COTL1: variants seen among roughly 807,000 people sequenced by gnomAD.
COTL1 encodes coactosin like F-actin binding protein 1, also known as coactosin-like protein.
In COTL1, 15 loss-of-function variants were observed where a neutral mutation model predicts 16.5. The ratio of observed to expected loss-of-function variants is 0.91; its 90% confidence interval spans 0.61 to 1.40. The LOEUF is 1.40. Among genes scored for constraint, COTL1 ranks in the 40% most tolerant of loss-of-function variants. The pLI is 0.00. For synonymous variants in COTL1, 112 were observed against 85.3 expected (o/e 1.31, Z -1.73); for missense variants, 220 against 201.5 (o/e 1.09, Z -0.56).
chr16:84,603,197 T>C (rs12149123), intron 2 of COTL1, among the ~76,000 whole-genome samples: 27,029 of 152,118 alleles, frequency 0.18, 2,586 homozygotes, highest in South Asian at 0.3. Flanking sequence ...CCGTGGACTT[T>C]AACAACACTC....
At chr16:84,569,573 C>CG (rs1033754097) in intron 3 of COTL1, among the ~76,000 whole-genome samples, 25 of 152,140 alleles carry the variant, frequency 1.6e-4, no homozygotes, top group Non-Finnish European at 3.2e-4. Context: ...CTCATGTTCT[C>CG]GTTCAGCCCT....
intron 3 of COTL1, among the ~76,000 whole-genome samples, chr16:84,584,052 A>G (rs1399435784): frequency 6.6e-6 from 1 of 152,240 alleles, no homozygotes. Context: ...GGCACATCGC[A>G]GGTCACTACC....
intron 1 of COTL1, 23 bp from the exon 2 acceptor site, chr16:84,617,606 AACAC>A (rs1555525151): frequency 1.3e-6 from 2 of 1,547,672 alleles, no homozygotes; most frequent in Admixed American, 2.0e-5. Flanking sequence ...AGAAGAAAAA[AACAC>A]ACACACACAT....
chr16:84,599,260 C>A (rs1016506452), intron 2 of COTL1, among the ~76,000 whole-genome samples: 3 of 152,232 alleles, frequency 2.0e-5, no homozygotes, highest in African/African-American at 7.2e-5. Flanking sequence ...ATCGCCAAAG[C>A]CAGTCCTGGC....
chr16:84,566,860 G>T lies in COTL1; in HGVS notation c.414C>A (p.Asp138Glu). The T allele has an allele frequency of 6.2e-7, 1 of 1,612,606 alleles. No homozygotes were observed. The highest frequency in any genetic ancestry group is 8.5e-7 in the Non-Finnish European group (1 of 1,178,830). The change falls in exon 4 of 4, where the codon GAC becomes GAA. Residue 138 changes from aspartate to glutamate, a missense_variant. Coordinates refer to ENST00000262428, the MANE Select transcript of COTL1 (RefSeq NM_021149.5). ...GGGGCTGGGGTTACTCCGTCTGGGC[G>T]TCGTAATTGGCTCCCCCCGCCTTCT... ...ELKKAGGANY[D>E]AQTE is the part of the protein sequence containing the mutation.
At chr16:84,585,353 C>CAAAAAAA (rs5818498) in intron 3 of COTL1, among the ~76,000 whole-genome samples, 1 of 127,008 alleles carries the variant, frequency 7.9e-6, no homozygotes. Context: ...AGATTGTCTC[C>CAAAAAAA]AAAAAAAAAA....
intron 3 of COTL1, among the ~76,000 whole-genome samples, chr16:84,582,679 A>G (rs1721098765): frequency 6.6e-6 from 1 of 152,222 alleles, no homozygotes; most frequent in Admixed American, 6.5e-5. Flanking sequence ...CCGGGTTTTG[A>G]AGGATGAATA....
At position 84,590,272 on chromosome 16, in the gene COTL1, A is replaced by C; in HGVS notation, c.161-10T>G. The C allele has an allele frequency of 6.2e-7, 1 of 1,613,212 alleles. No homozygotes were observed. Among genetic ancestry groups the C allele is most frequent in the Non-Finnish European group, 8.5e-7 (1 of 1,179,254 alleles). On this transcript the variant is annotated splice_polypyrimidine_tract_variant and intron_variant, in intron 2 of 3. Transcript: ENST00000262428. The surrounding 1 kb of genome is among the most constrained non-coding windows in gnomAD (Gnocchi z 5.5). Reference sequence around the variant, plus strand: ...AACAACCGGACGTCATCTGTGGCCAAAAGCGAAAAGAGAACATGGTGCTGC... The same window carrying C: ...AACAACCGGACGTCATCTGTGGCCACAAGCGAAAAGAGAACATGGTGCTGC...
chr16:84,608,895 AC>A (rs1239746801), intron 2 of COTL1, among the ~76,000 whole-genome samples: 2 of 152,120 alleles, frequency 1.3e-5, no homozygotes, highest in African/African-American at 4.8e-5. Context: ...ACAGGGCACG[AC>A]CTTGTCTCAA....
At chr16:84,605,938 C>A (rs1056487723) in intron 2 of COTL1, among the ~76,000 whole-genome samples, 52 of 152,198 alleles carry the variant, frequency 3.4e-4, no homozygotes, top group Non-Finnish European at 1.9e-4. Context: ...TTGTTGTTAT[C>A]AACTTATTTA....
chr16:84,617,641 C>T, intron 1 of COTL1, 58 bp from the exon 2 acceptor site: 2 of 1,515,176 alleles, frequency 1.3e-6, no homozygotes, highest in Non-Finnish European at 1.8e-6. Flanking sequence ...GGCCGCGCGA[C>T]GCGGCGCTTG....
intron 2 of COTL1, among the ~76,000 whole-genome samples, chr16:84,591,890 G>GTGCATGTGTATGTGTGCAT (rs1904878749): frequency 8.4e-6 from 1 of 119,346 alleles, no homozygotes; most frequent in South Asian, 2.5e-4. Context: ...AAATATGTGC[G>GTGCATGTGTATGTGTGCAT]TGCATGTGTA....
intron 3 of COTL1, among the ~76,000 whole-genome samples, chr16:84,583,028 C>T (rs182494772): frequency 1.3e-5 from 2 of 152,306 alleles, no homozygotes; most frequent in African/African-American, 2.4e-5. Context: ...ATGTGCAACA[C>T]GAGTCTACAA....
intron 2 of COTL1, among the ~76,000 whole-genome samples, chr16:84,607,664 C>T (rs79949911): frequency 0.012 from 1,774 of 152,190 alleles, 23 homozygotes; most frequent in Middle Eastern, 0.048. Flanking sequence ...AAAGGGCACC[C>T]CATGTCATGT....
intron 2 of COTL1, among the ~76,000 whole-genome samples, chr16:84,607,686 G>T (rs924178263): frequency 6.6e-6 from 1 of 152,120 alleles, no homozygotes; most frequent in African/African-American, 2.4e-5. Flanking sequence ...TGAGCGTTTG[G>T]ACCTTATGGA....
intron 3 of COTL1, among the ~76,000 whole-genome samples, chr16:84,586,288 T>C (rs1401201122): frequency 6.6e-6 from 1 of 152,244 alleles, no homozygotes; most frequent in African/African-American, 2.4e-5. Flanking sequence ...TTCCTCTTTG[T>C]GCTTCAACTT....
chr16:84,582,411 T>C (rs1223103028), intron 3 of COTL1, among the ~76,000 whole-genome samples: 1 of 152,202 alleles, frequency 6.6e-6, no homozygotes, highest in Non-Finnish European at 1.5e-5. Flanking sequence ...CAAAAAGTAC[T>C]AGGATTACAG....
chr16:84,615,998 CAT>C (rs1905471837), intron 2 of COTL1: 1 of 152,236 alleles, frequency 6.6e-6, no homozygotes, highest in African/African-American at 2.4e-5. Flanking sequence ...GAAACACCCA[CAT>C]GATCCCTGGC....
At chr16:84,568,229 C>T (rs1904307128) in intron 3 of COTL1, 1 of 152,214 alleles carries the variant, frequency 6.6e-6, no homozygotes, top group Non-Finnish European at 1.5e-5. Flanking sequence ...AACTCCTGGC[C>T]TTAAGTGATC....
Sources: gnomAD v4.1 joint callset for allele counts (sites outside exome capture counted in the v4.1 genomes callset) on GRCh38, gnomAD v4.1.1 for gene constraint, Gnocchi (gnomAD v3.1) non-coding constraint, MANE v1.5 for transcripts, NCBI Gene and HGNC (gene_info 2026-07-23, HGNC 2026-07-21) for gene names.